The following WDR48 variants were observed in gnomAD, a reference collection of about 807,000 sequenced individuals.
The protein encoded by WDR48 is WD repeat domain 48, also known as WD repeat-containing protein 48.
In WDR48, 22 loss-of-function variants were observed where a neutral mutation model predicts 94.0. That is an observed-to-expected ratio of 0.23 (90% confidence interval 0.17 to 0.33). The LOEUF is 0.33. WDR48 is among the 10% of genes least tolerant of loss of function. The pLI, the probability that WDR48 is intolerant of heterozygous loss-of-function variation, is 1.00. For missense variants in WDR48, 541 were observed against 813.8 expected (o/e 0.66, Z 4.08); for synonymous variants, 278 against 280.5 (o/e 0.99, Z 0.09).
chr3:39,052,184 C>A, intron 1 of WDR48, 111 bp downstream of exon 1: 1 of 1,351,004 alleles, frequency 7.4e-7, no homozygotes, highest in Non-Finnish European at 1.0e-6. Context: ...ATGGGGCGAA[C>A]GGGGCGGGGC....
intron 1 of WDR48, among the ~76,000 whole-genome samples, chr3:39,058,532 C>G (rs2033045505): frequency 1.3e-5 from 2 of 152,158 alleles, no homozygotes; most frequent in South Asian, 4.1e-4. Context: ...ATATGCTGCA[C>G]AGTCTCAGTT....
At chr3:39,064,511 A>G (rs1040549285) in intron 2 of WDR48, among the ~76,000 whole-genome samples, 7 of 152,120 alleles carry the variant, frequency 4.6e-5, no homozygotes, top group Admixed American at 6.5e-5. Flanking sequence ...CTAGACTCAG[A>G]TAATCCAACT....
intron 10 of WDR48, among the ~76,000 whole-genome samples, chr3:39,078,661 T>A (rs1186591183): frequency 6.6e-6 from 1 of 151,860 alleles, no homozygotes; most frequent in African/African-American, 2.4e-5. Context: ...TCAAATGATC[T>A]GCCCGCCTCA....
intron 7 of WDR48, among the ~76,000 whole-genome samples, chr3:39,073,743 C>T (rs987220238): frequency 1.3e-5 from 2 of 152,168 alleles, no homozygotes; most frequent in African/African-American, 4.8e-5. Flanking sequence ...CTTGAGCCAT[C>T]AGAAATTGTC....
intron 1 of WDR48, 71 bp from the exon 2 acceptor site, chr3:39,062,979 C>T (rs2033365504): frequency 2.6e-6 from 4 of 1,541,786 alleles, no homozygotes; most frequent in Non-Finnish European, 3.5e-6. Flanking sequence ...TCAGATTGGC[C>T]ACTAGTAGAC....
At chr3:39,060,942 G>C (rs1045147192) in intron 1 of WDR48, among the ~76,000 whole-genome samples, 1 of 152,118 alleles carries the variant, frequency 6.6e-6, no homozygotes, top group African/African-American at 2.4e-5. Flanking sequence ...TTTCCAGCCT[G>C]GGTGACAGAG....
intron 2 of WDR48, 64 bp from the exon 3 acceptor site, chr3:39,065,747 T>C: frequency 8.1e-7 from 1 of 1,239,466 alleles, no homozygotes; most frequent in Admixed American, 2.2e-5. Context: ...TTTAACCATA[T>C]CTATCATTTG....
chr3:39,052,331 C>T (rs1311786968), intron 1 of WDR48: 3 of 488,586 alleles, frequency 6.1e-6, no homozygotes, highest in African/African-American at 4.2e-5. Flanking sequence ...TGTCGCCGCT[C>T]TTCTGTAGGA....
intron 1 of WDR48, among the ~76,000 whole-genome samples, chr3:39,057,558 C>T (rs1170148545): frequency 2.6e-5 from 4 of 152,206 alleles, no homozygotes; most frequent in African/African-American, 9.6e-5. Context: ...ATGAAAGAGA[C>T]ATGAATGAGT....
At chr3:39,054,889 A>G (rs967804619) in intron 1 of WDR48, among the ~76,000 whole-genome samples, 2 of 152,242 alleles carry the variant, frequency 1.3e-5, no homozygotes, top group East Asian at 1.9e-4. Context: ...ATGCATTTTA[A>G]AAGTCAGGAA....
rs761917715 is a variant in WDR48 at position 39,063,195 on chromosome 3, T to C, written c.189+5T>C. 8.1e-6 allele frequency: 13 copies of C among 1,613,032 alleles called. No homozygotes were observed. Among genetic ancestry groups the C allele is most frequent in the Non-Finnish European group, 7.6e-6 (9 of 1,179,596 alleles). On this transcript the variant is annotated splice_donor_5th_base_variant and intron_variant, in intron 2 of 18. Coordinates refer to ENST00000302313, the MANE Select transcript of WDR48 (RefSeq NM_020839.4). ...TGGAGTGTCAATCAGCACAAGGTAA[T>C]GCAGGGATTAAAATCTGTACCCAGC...
rs372126305 is a variant in WDR48, at chr3:39,094,115, C to T, written c.1938+49C>T. The T allele has an allele frequency of 3.2e-6, 5 of 1,570,200 alleles. No individual in the cohort carries two copies. The African/African-American group carries it at 6.9e-5, about 22-fold the overall frequency. ...CCCCAATTTTTCCAGTGCTGGTGCT[C>T]ATAAAGAGTTACATGCCTTTGGGTG... On this transcript the variant is annotated intron_variant, in intron 18 of 18. Coordinates refer to ENST00000302313, the MANE Select transcript of WDR48 (RefSeq NM_020839.4).
intron 10 of WDR48, among the ~76,000 whole-genome samples, chr3:39,078,987 G>A (rs2034384545): frequency 6.9e-6 from 1 of 145,972 alleles, no homozygotes. Context: ...CCGAGATCCC[G>A]CCACTGCACT....
At position 39,063,150 on chromosome 3, in the gene WDR48, G is replaced by A; in HGVS notation, c.149G>A (p.Arg50Gln). 2 of 1,614,098 alleles carry A rather than the reference G, an allele frequency of 1.2e-6. No homozygotes were observed. The highest frequency in any genetic ancestry group is 1.7e-6 in the Non-Finnish European group (2 of 1,180,000). ...PALNRLFTAG[R>Q]DSIIRIWSVN... ...CTAAATAGACTTTTCACAGCCGGTCGAGACTCTATCATAAGAATATGGAGT... is the reference window on the plus strand; with the variant it reads ...CTAAATAGACTTTTCACAGCCGGTCAAGACTCTATCATAAGAATATGGAGT... Residue 50 changes from arginine (R) to glutamine (Q), a missense_variant, in exon 2 of 19, where the codon CGA (arginine) becomes CAA (glutamine). By Grantham distance (43) the Arg-to-Gln change is conservative (BLOSUM62 1). Around this residue, in one of 5 missense-constraint regions of WDR48, gnomAD observed 90 missense variants for 122.3 expected, o/e 0.74. Coordinates refer to ENST00000302313, the MANE Select transcript of WDR48 (RefSeq NM_020839.4).
chr3:39,070,421 T>C (rs1008832555), intron 7 of WDR48, among the ~76,000 whole-genome samples: 3 of 152,194 alleles, frequency 2.0e-5, no homozygotes, highest in Non-Finnish European at 4.4e-5. Flanking sequence ...TGGAATTGAT[T>C]GTGATAGGGT....
intron 14 of WDR48, among the ~76,000 whole-genome samples, chr3:39,087,563 G>A (rs914116681): frequency 6.6e-6 from 1 of 152,164 alleles, no homozygotes; most frequent in Non-Finnish European, 1.5e-5. Context: ...AGGCCGCAAT[G>A]ATCTGTGATC....
At chr3:39,066,515 CTA>C (rs1159732856) in intron 3 of WDR48, 31 bp from the exon 4 acceptor site, 12 of 1,582,392 alleles carry the variant, frequency 7.6e-6, no homozygotes, top group Non-Finnish European at 9.5e-6. Flanking sequence ...AGTCATACTA[CTA>C]AGGAGTTTGT....
chr3:39,056,958 T>G (rs2032930650), intron 1 of WDR48, among the ~76,000 whole-genome samples: 1 of 151,710 alleles, frequency 6.6e-6, no homozygotes, highest in Admixed American at 6.6e-5. Flanking sequence ...AAGGAGGGTT[T>G]GGAGGGGGAA....
intron 11 of WDR48, among the ~76,000 whole-genome samples, chr3:39,083,430 G>A (rs1033224007): frequency 2.6e-5 from 4 of 152,182 alleles, no homozygotes; most frequent in African/African-American, 4.8e-5. Context: ...ACAATACAAG[G>A]TCATCCCAAG....
Sources: gnomAD v4.1 joint callset for allele counts (sites outside exome capture counted in the v4.1 genomes callset) on GRCh38, gnomAD v4.1.1 for gene constraint, gnomAD v4.1.1 regional missense constraint, MANE v1.5 for transcripts, NCBI Gene and HGNC (gene_info 2026-07-23, HGNC 2026-07-21) for gene names.